The following VAV3 variants were observed in gnomAD, a reference collection of about 807,000 sequenced individuals.
The protein encoded by VAV3 is guanine nucleotide exchange factor VAV3.
VAV3 carries 94 observed loss-of-function variants against 131.2 expected under a neutral mutation model. The ratio of observed to expected loss-of-function variants is 0.72; its 90% CI spans 0.61 to 0.85. VAV3 has a LOEUF of 0.85. Among genes scored for constraint, VAV3 ranks in the 40% least tolerant of loss-of-function variants. The pLI is 0.00. For missense variants in VAV3, 939 were observed against 1,002.7 expected (o/e 0.94, Z 0.86); for synonymous variants, 349 against 342.0 (o/e 1.02, Z -0.22).
chr1:107,953,833 C>T (rs1024125689), intron 1 of VAV3, among the ~76,000 whole-genome samples: 6 of 152,180 alleles, frequency 3.9e-5, no homozygotes, highest in African/African-American at 1.4e-4. Flanking sequence ...AGGTGAGTAT[C>T]AAGTGTATCA....
chr1:107,677,422 TA>T (rs1251424079), intron 19 of VAV3, among the ~76,000 whole-genome samples: 1 of 152,136 alleles, frequency 6.6e-6, no homozygotes, highest in Non-Finnish European at 1.5e-5. Flanking sequence ...CATAAGAAAT[TA>T]CTGACTTTTC....
intron 15 of VAV3, among the ~76,000 whole-genome samples, chr1:107,724,101 GAAC>G (rs201582671): frequency 0.01 from 1,590 of 152,076 alleles, 23 homozygotes; most frequent in South Asian, 0.048. Context: ...GAGTCATGAA[GAAC>G]AACAGCAACA....
chr1:107,884,694 C>T (rs1670949306), intron 1 of VAV3, among the ~76,000 whole-genome samples: 1 of 151,784 alleles, frequency 6.6e-6, no homozygotes, highest in South Asian at 2.1e-4. Context: ...AAATGATCCT[C>T]CCACCTTAAC....
At chr1:107,857,765 GA>G (rs1212518831) in intron 2 of VAV3, among the ~76,000 whole-genome samples, 1 of 152,088 alleles carries the variant, frequency 6.6e-6, no homozygotes, top group African/African-American at 2.4e-5. Flanking sequence ...CTCAGAAAAA[GA>G]ATTGTCAACT....
chr1:107,744,834 C>A (rs1396216890), intron 15 of VAV3, among the ~76,000 whole-genome samples: 6 of 152,102 alleles, frequency 3.9e-5, no homozygotes, highest in Admixed American at 3.9e-4. Flanking sequence ...TACTTTAGCA[C>A]CCTTATGGAT....
rs557983418 is a variant in VAV3, at chr1:107,904,969, T to C, written c.205-29952A>G. Among the ~76,000 whole-genome samples the C allele has an allele frequency of 1.9e-3, 292 of 152,248 alleles. 3 individuals carry two copies. The highest frequency in any genetic ancestry group is 6.9e-3 in the African/African-American group (287 of 41,548). ...CATTTAAGCAAATGCTTGAAGTAAA[T>C]AGGAAATATCTGAGGGATAAGCATT... is the stretch of plus-strand genomic sequence containing the variant. On this transcript the variant is annotated intron_variant, in intron 1 of 26. Coordinates refer to ENST00000370056, the MANE Select transcript of VAV3 (RefSeq NM_006113.5).
At chr1:107,724,741 A>G (rs1661725297) in intron 15 of VAV3, among the ~76,000 whole-genome samples, 1 of 152,106 alleles carries the variant, frequency 6.6e-6, no homozygotes, top group Admixed American at 6.6e-5. Flanking sequence ...AAAGAACACT[A>G]TGATGAAAGG....
intron 2 of VAV3, among the ~76,000 whole-genome samples, chr1:107,838,050 A>G (rs1457111452): frequency 1.3e-5 from 2 of 152,228 alleles, no homozygotes; most frequent in Non-Finnish European, 2.9e-5. Flanking sequence ...GACCTAATTA[A>G]CCTAAAGAGC....
intron 19 of VAV3, among the ~76,000 whole-genome samples, chr1:107,673,205 G>C (rs907610799): frequency 2.6e-5 from 4 of 152,130 alleles, no homozygotes; most frequent in African/African-American, 9.7e-5. Context: ...TTCAAGTGCG[G>C]CTAGGGTGAT....
chr1:107,647,064 A>G (rs1655790208), intron 19 of VAV3, among the ~76,000 whole-genome samples: 1 of 151,700 alleles, frequency 6.6e-6, no homozygotes, highest in South Asian at 2.1e-4. Context: ...TCAAACTTCA[A>G]TGAACTGAAC....
chr1:107,964,922 C>CG lies in VAV3; in HGVS notation c.-54dup. The CG allele has an allele frequency of 1.2e-5, 1 of 80,626 alleles. No homozygotes were observed. The allele number at this position is 80,626 out of a possible 1,614,324, so 5.0% of individuals were successfully genotyped here. Reference sequence around the variant, plus strand: ...CCGGGGCGGGCGGCAAGGATGCGGCCGCCGCCGCCGCCGCCGCGGTTCCTC... The same window carrying CG: ...CCGGGGCGGGCGGCAAGGATGCGGCCGGCCGCCGCCGCCGCCGCGGTTCCTC... On this transcript the variant is annotated 5_prime_UTR_variant, in exon 1 of 27. Coordinates refer to ENST00000370056, the MANE Select transcript of VAV3 (RefSeq NM_006113.5).
intron 9 of VAV3, among the ~76,000 whole-genome samples, chr1:107,763,345 G>A (rs948288543): frequency 3.3e-5 from 5 of 152,064 alleles, no homozygotes; most frequent in Non-Finnish European, 2.9e-5. Flanking sequence ...ATGGTCATTG[G>A]GCAAAACTTT....
chr1:107,668,963 C>T, intron 19 of VAV3: 2 of 990,454 alleles, frequency 2.0e-6, no homozygotes, highest in Middle Eastern at 5.2e-4. Context: ...TCAACTCTTT[C>T]GCGATACGGG....
chr1:107,681,724 G>T (rs187421251), intron 19 of VAV3, among the ~76,000 whole-genome samples: 1 of 150,364 alleles, frequency 6.7e-6, no homozygotes, highest in African/African-American at 2.5e-5. Flanking sequence ...CGCGATCTCG[G>T]CTCACTGCAA....
At chr1:107,599,152 TAGTA>T (rs751299741) in intron 24 of VAV3, among the ~76,000 whole-genome samples, 4 of 152,188 alleles carry the variant, frequency 2.6e-5, no homozygotes, top group Non-Finnish European at 5.9e-5. Flanking sequence ...GCGGCTTACT[TAGTA>T]AGCTGCAAAA....
intron 1 of VAV3, among the ~76,000 whole-genome samples, chr1:107,904,220 A>T (rs61293909): frequency 0.03 from 4,581 of 152,174 alleles, 225 homozygotes; most frequent in African/African-American, 0.11. Flanking sequence ...TCCTCAATTG[A>T]GTTAAAATGC....
At chr1:107,828,606 C>T (rs1668114929) in intron 2 of VAV3, among the ~76,000 whole-genome samples, 1 of 152,010 alleles carries the variant, frequency 6.6e-6, no homozygotes, top group Non-Finnish European at 1.5e-5. Flanking sequence ...AGAGACTGCC[C>T]ACAATCCAGA....
At chr1:107,793,786 AG>A (rs1425733065) in intron 2 of VAV3, among the ~76,000 whole-genome samples, 1 of 152,242 alleles carries the variant, frequency 6.6e-6, no homozygotes, top group African/African-American at 2.4e-5. Context: ...ACCCTAATCT[AG>A]TAGCTATATC....
chr1:107,682,737 A>G (rs752875867), intron 19 of VAV3, among the ~76,000 whole-genome samples: 3 of 152,234 alleles, frequency 2.0e-5, no homozygotes, highest in Non-Finnish European at 4.4e-5. Flanking sequence ...CATAGTCCAG[A>G]TTATTTTCCA....
Sources: gnomAD v4.1 joint callset for allele counts (sites outside exome capture counted in the v4.1 genomes callset) on GRCh38, gnomAD v4.1.1 for gene constraint, MANE v1.5 for transcripts, NCBI Gene and HGNC (gene_info 2026-07-23, HGNC 2026-07-21) for gene names.